Variants in ST6GAL1 observed in about 807,000 individuals in gnomAD.
ST6GAL1 encodes the protein ST6 beta-galactoside alpha-2,6-sialyltransferase 1.
ST6GAL1 carries 20 observed loss-of-function variants against 38.0 expected under a neutral mutation model. The observed-to-expected ratio is 0.53, with a 90% confidence interval of 0.37 to 0.77. The LOEUF (loss-of-function observed/expected upper bound fraction) is 0.77, where lower values mean the gene tolerates loss of function less well. Among genes scored for constraint, ST6GAL1 ranks in the 30% least tolerant of loss-of-function variants. The pLI is 0.00. For missense variants in ST6GAL1, 432 were observed against 496.4 expected (o/e 0.87, Z 1.23); for synonymous variants, 196 against 188.2 (o/e 1.04, Z -0.34).
At chr3:186,940,633 G>A (rs540598063) in intron 1 of ST6GAL1, among the ~76,000 whole-genome samples, 1 of 152,246 alleles carries the variant, frequency 6.6e-6, no homozygotes, top group Admixed American at 6.5e-5. Context: ...TATCATTAGT[G>A]TTAGTGTATT....
intron 1 of ST6GAL1, among the ~76,000 whole-genome samples, chr3:186,958,004 G>C (rs896530938): frequency 6.6e-6 from 1 of 151,644 alleles, no homozygotes; most frequent in Non-Finnish European, 1.5e-5. Context: ...ACCACTTCAG[G>C]TTGAAGGAGG....
At chr3:186,945,073 C>G (rs1714308693) in intron 1 of ST6GAL1, among the ~76,000 whole-genome samples, 1 of 152,178 alleles carries the variant, frequency 6.6e-6, no homozygotes. Flanking sequence ...AATCCTAGCA[C>G]TTTGGGAGGC....
intron 2 of ST6GAL1, among the ~76,000 whole-genome samples, chr3:187,027,110 T>A (rs972532986): frequency 1.3e-5 from 2 of 151,930 alleles, no homozygotes; most frequent in Non-Finnish European, 2.9e-5. Context: ...TAAAAAAGCA[T>A]GGATTCCAGA....
chr3:186,999,299 G>A (rs971675731), intron 2 of ST6GAL1, among the ~76,000 whole-genome samples: 4 of 152,196 alleles, frequency 2.6e-5, no homozygotes, highest in Admixed American at 2.6e-4. Flanking sequence ...CTATGTCAGG[G>A]CCAGGCCATT....
intron 2 of ST6GAL1, among the ~76,000 whole-genome samples, chr3:186,966,536 C>G (rs192510928): frequency 1.3e-5 from 2 of 152,204 alleles, no homozygotes; most frequent in Non-Finnish European, 2.9e-5. Flanking sequence ...AAATGCAGTT[C>G]CCACACACAG....
At chr3:187,055,198 T>G (rs1224760142) in intron 5 of ST6GAL1, among the ~76,000 whole-genome samples, 7 of 151,792 alleles carry the variant, frequency 4.6e-5, no homozygotes, top group Admixed American at 3.9e-4. Context: ...TTTTCTTCTT[T>G]ATTAGTCTTG....
chr3:186,978,807 T>C (rs1041416905), intron 2 of ST6GAL1, among the ~76,000 whole-genome samples: 2 of 152,040 alleles, frequency 1.3e-5, no homozygotes, highest in African/African-American at 2.4e-5. Flanking sequence ...GCAGCCCTTA[T>C]ACCCTGTCCC....
rs1717841979 is a variant in ST6GAL1 at position 187,034,006 on chromosome 3, C to A, written c.-182-4736C>A. On this transcript the variant is annotated intron_variant, in intron 2 of 7. Transcript: ENST00000169298. ...TGAAAGGATAAACAAGTTTGGTAAACCATTAGCTAGATTAACAAAGAAGAA... is the reference window on the plus strand; with the variant it reads ...TGAAAGGATAAACAAGTTTGGTAAAACATTAGCTAGATTAACAAAGAAGAA... Among the ~76,000 whole-genome samples the A allele has an allele frequency of 2.6e-5, 4 of 152,000 alleles. No homozygotes were observed. The South Asian group carries it at 8.3e-4, about 31-fold the overall frequency.
intron 2 of ST6GAL1, among the ~76,000 whole-genome samples, chr3:186,965,796 C>T (rs1368748217): frequency 6.6e-6 from 1 of 152,196 alleles, no homozygotes; most frequent in East Asian, 1.9e-4. Context: ...CGTCCTTCCC[C>T]TGTATCTGAA....
intron 5 of ST6GAL1, among the ~76,000 whole-genome samples, chr3:187,056,964 C>T (rs9825222): frequency 0.1 from 15,168 of 152,176 alleles, 2,530 homozygotes; most frequent in African/African-American, 0.34. Flanking sequence ...TTGGTCTTTT[C>T]ACATAGTCCC....
intron 2 of ST6GAL1, among the ~76,000 whole-genome samples, chr3:187,008,477 A>T (rs1364430718): frequency 1.3e-5 from 2 of 152,168 alleles, no homozygotes; most frequent in Non-Finnish European, 2.9e-5. Flanking sequence ...CGTCTTTAGA[A>T]TGCTGGAAGA....
chr3:187,024,553 C>T (rs1717460189), intron 2 of ST6GAL1: 1 of 142,604 alleles, frequency 7.0e-6, no homozygotes, highest in Admixed American at 7.0e-5. Flanking sequence ...ACAAAAAAAG[C>T]CTGGGAGAAC....
chr3:186,992,476 G>T (rs958876326), intron 2 of ST6GAL1, among the ~76,000 whole-genome samples: 1 of 151,990 alleles, frequency 6.6e-6, no homozygotes, highest in Non-Finnish European at 1.5e-5. Context: ...ATACAATCAT[G>T]ACCTTAAAAA....
At chr3:186,978,324 T>C (rs928370075) in intron 2 of ST6GAL1, among the ~76,000 whole-genome samples, 2 of 152,246 alleles carry the variant, frequency 1.3e-5, no homozygotes, top group African/African-American at 4.8e-5. Context: ...TCTATCTAGC[T>C]GGAAGCTCCT....
intron 1 of ST6GAL1, among the ~76,000 whole-genome samples, chr3:186,939,565 G>C (rs983286320): frequency 2.0e-5 from 3 of 152,184 alleles, no homozygotes; most frequent in African/African-American, 7.2e-5. Context: ...TAAACATTTT[G>C]TGAGTATTAA....
chr3:187,068,404 CTCTT>C (rs913791924), intron 5 of ST6GAL1, among the ~76,000 whole-genome samples: 5 of 151,784 alleles, frequency 3.3e-5, no homozygotes, highest in African/African-American at 1.2e-4. Context: ...AATTCAGACT[CTCTT>C]ACTTACTGAC....
intron 5 of ST6GAL1, among the ~76,000 whole-genome samples, chr3:187,061,844 T>TA (rs1380076987): frequency 1.3e-5 from 2 of 152,076 alleles, no homozygotes; most frequent in African/African-American, 4.8e-5. Context: ...AAGGCATACA[T>TA]ACGTAACAAA....
At chr3:187,002,293 C>T (rs574373054) in intron 2 of ST6GAL1, among the ~76,000 whole-genome samples, 5 of 152,164 alleles carry the variant, frequency 3.3e-5, no homozygotes, top group Non-Finnish European at 7.3e-5. Context: ...GTCAAACTGT[C>T]AGGTTTATGG....
At chr3:186,938,523 C>T (rs1281364195) in intron 1 of ST6GAL1, among the ~76,000 whole-genome samples, 1 of 152,176 alleles carries the variant, frequency 6.6e-6, no homozygotes, top group Non-Finnish European at 1.5e-5. Flanking sequence ...GAGGTTTTCA[C>T]AAGCCGCACA....
Sources: gnomAD v4.1 joint callset for allele counts (sites outside exome capture counted in the v4.1 genomes callset) on GRCh38, gnomAD v4.1.1 for gene constraint, MANE v1.5 for transcripts, NCBI Gene and HGNC (gene_info 2026-07-23, HGNC 2026-07-21) for gene names.